Variants in ADCYAP1R1 observed in about 807,000 individuals in gnomAD.
ADCYAP1R1 encodes ADCYAP receptor type I, also known as pituitary adenylate cyclase-activating polypeptide type I receptor.
Under a neutral mutation model 67.6 loss-of-function variants are expected in ADCYAP1R1, and 44 were observed. The ratio of observed to expected loss-of-function variants is 0.65; its 90% CI spans 0.51 to 0.84. The LOEUF is 0.84. ADCYAP1R1 is among the 40% of genes least tolerant of loss of function. The pLI is 0.00. For missense variants in ADCYAP1R1, 477 were observed against 587.9 expected, an observed-to-expected ratio of 0.81 and a Z score of 1.95; for synonymous variants, 222 against 219.6, an observed-to-expected ratio of 1.01 and a Z score of -0.10.
At chr7:31,097,631 C>G (rs1311728871) in intron 13 of ADCYAP1R1, among the ~76,000 whole-genome samples, 1 of 151,778 alleles carries the variant, frequency 6.6e-6, no homozygotes, top group Non-Finnish European at 1.5e-5. Context: ...ACTAAATGGT[C>G]TTTGGAATAC....
In ADCYAP1R1 at chr7:31,084,831, T is replaced by TC; in HGVS notation, c.535dup (p.Arg179ProfsTer49). On this transcript the variant is annotated frameshift_variant, in exon 8 of 16. Coordinates refer to ENST00000304166, the MANE Select transcript of ADCYAP1R1 (RefSeq NM_001118.5). LOFTEE classifies it high-confidence loss of function. Reference sequence around the variant, plus strand: ...ACTGCCATGGTCATCCTTTGTCGCTTCCGGTGAGACCCTCAGCAACATTCA... The same window carrying TC: ...ACTGCCATGGTCATCCTTTGTCGCTTCCCGGTGAGACCCTCAGCAACATTCA... The TC allele has an allele frequency of 3.7e-6, 6 of 1,613,998 alleles. No individual in the cohort carries two copies. The highest frequency in any genetic ancestry group is 5.1e-6 in the Non-Finnish European group (6 of 1,179,860).
chr7:31,081,773 G>T lies in ADCYAP1R1; in HGVS notation c.328+19G>T. On this transcript the variant is annotated intron_variant, in intron 6 of 15. Transcript: ENST00000304166. Reference sequence around the variant, plus strand: ...CTCTCAGGTAAGGGGTTAGGCTGGGGTTGACCATGGACTGGCTGGAGGGAG... The same window carrying T: ...CTCTCAGGTAAGGGGTTAGGCTGGGTTTGACCATGGACTGGCTGGAGGGAG... 1.3e-6 allele frequency: 2 copies of T among 1,590,396 alleles called. No individual in the cohort carries two copies. The highest frequency in any genetic ancestry group is 1.2e-5 in the South Asian group (1 of 85,130).
intron 6 of ADCYAP1R1, among the ~76,000 whole-genome samples, chr7:31,083,791 A>G (rs1351285128): frequency 1.3e-5 from 2 of 152,186 alleles, no homozygotes; most frequent in African/African-American, 4.8e-5. Context: ...TGCATTTGTG[A>G]TCAGTCTCCT....
chr7:31,055,818 A>G (rs887993103), intron 1 of ADCYAP1R1, among the ~76,000 whole-genome samples: 4 of 152,192 alleles, frequency 2.6e-5, no homozygotes, highest in African/African-American at 7.2e-5. Flanking sequence ...GCTCCATTCT[A>G]CGTGGAGCTC....
intron 3 of ADCYAP1R1, among the ~76,000 whole-genome samples, chr7:31,070,699 A>T (rs980393464): frequency 2.1e-4 from 32 of 152,330 alleles, no homozygotes; most frequent in African/African-American, 6.7e-4. Flanking sequence ...ACAGGGTGTC[A>T]CTTCTATCCA....
chr7:31,073,303 T>C (rs565673252), intron 3 of ADCYAP1R1, among the ~76,000 whole-genome samples: 11 of 152,040 alleles, frequency 7.2e-5, no homozygotes, highest in Admixed American at 3.3e-4. Context: ...ATTGTCTGAC[T>C]CGGTATGTCT....
At position 31,102,262 on chromosome 7, in the gene ADCYAP1R1, G is replaced by A. The variant is rs1354219834; in HGVS notation, c.1047-975G>A. ...GAGGCTGATCCTCTGGAGGAGATGG[G>A]CCAGGTGCAGCCTGGGGGCAGGCCA... On this transcript the variant is annotated intron_variant, in intron 13 of 15. Coordinates refer to ENST00000304166, the MANE Select transcript of ADCYAP1R1 (RefSeq NM_001118.5). This position sits in a 1 kb window ranked among gnomAD's most constrained non-coding sequence, Gnocchi z 4.3. Among the ~76,000 whole-genome samples, 2 of 152,240 alleles carry A rather than the reference G, an allele frequency of 1.3e-5. No individual in the cohort carries two copies. The highest frequency in any genetic ancestry group is 1.5e-5 in the Non-Finnish European group (1 of 68,044).
intron 13 of ADCYAP1R1, among the ~76,000 whole-genome samples, chr7:31,097,830 G>C (rs1796264500): frequency 6.6e-6 from 1 of 152,002 alleles, no homozygotes. Context: ...GGGGTCTCCT[G>C]GACCCTGATT....
chr7:31,077,117 A>G lies in ADCYAP1R1; in HGVS notation c.158-874A>G, dbSNP rs143873383. Among the ~76,000 whole-genome samples the G allele has an allele frequency of 2.0e-5, 3 of 152,294 alleles. No homozygotes were observed. The East Asian group carries it at 5.8e-4, about 29-fold the overall frequency. On this transcript the variant is annotated intron_variant, in intron 3 of 15. Transcript: ENST00000304166. ...CCTGTTTGAGGGATATTACCGGTGC[A>G]GGGCTGAGCCCTCCCTCAGACTGTA...
At chr7:31,056,493 T>C (rs918258114) in intron 1 of ADCYAP1R1, among the ~76,000 whole-genome samples, 1 of 152,068 alleles carries the variant, frequency 6.6e-6, no homozygotes, top group African/African-American at 2.4e-5. Context: ...TCTTCCTTTC[T>C]CTACTGCCTC....
chr7:31,095,630 C>T (rs771331279), intron 13 of ADCYAP1R1: 1 of 717,350 alleles, frequency 1.4e-6, no homozygotes, highest in East Asian at 2.7e-5. Context: ...TCAGATCTGC[C>T]CACAACAGCT....
chr7:31,102,767 T>C lies in ADCYAP1R1; in HGVS notation c.1047-470T>C, dbSNP rs1016728116. Reference sequence around the variant, plus strand: ...CAGCACTTCCCCATCACTTGGTGAGTGTCCCGGCTAGCCCCAGGCTCCAAA... The same window carrying C: ...CAGCACTTCCCCATCACTTGGTGAGCGTCCCGGCTAGCCCCAGGCTCCAAA... On this transcript the variant is annotated intron_variant, in intron 13 of 15. Coordinates refer to ENST00000304166, the MANE Select transcript of ADCYAP1R1 (RefSeq NM_001118.5). This position sits in a 1 kb window ranked among gnomAD's most constrained non-coding sequence, Gnocchi z 4.3. Among the ~76,000 whole-genome samples the C allele has an allele frequency of 6.6e-6, 1 of 152,072 alleles. No individual in the cohort carries two copies. Among genetic ancestry groups the C allele is most frequent in the East Asian group, 1.9e-4 (1 of 5,184 alleles).
chr7:31,089,835 G>T (rs1208149173), intron 12 of ADCYAP1R1, among the ~76,000 whole-genome samples: 2 of 152,072 alleles, frequency 1.3e-5, no homozygotes, highest in Non-Finnish European at 2.9e-5. Context: ...GCATTTCTGG[G>T]ATAAAACCTT....
At chr7:31,085,578 C>T (rs1795710869) in intron 9 of ADCYAP1R1, 136 bp downstream of exon 9, 1 of 981,702 alleles carries the variant, frequency 1.0e-6, no homozygotes, top group Non-Finnish European at 1.4e-6. Context: ...CATTGCCCCA[C>T]CCCCCCGGTT....
Position 31,092,775 on chromosome 7 carries a change from G to A in ADCYAP1R1, c.1046+40G>A, listed in dbSNP as rs751874244. ...GTGGCTGCCACAGCCATTTCTGACAGCCGAGCGGGCCCTGCATTCAGGTCA... is the reference window on the plus strand; with the variant it reads ...GTGGCTGCCACAGCCATTTCTGACAACCGAGCGGGCCCTGCATTCAGGTCA... On this transcript the variant is annotated intron_variant, in intron 13 of 15. Coordinates refer to ENST00000304166, the MANE Select transcript of ADCYAP1R1 (RefSeq NM_001118.5). 4 of 1,496,860 alleles carry A rather than the reference G, an allele frequency of 2.7e-6. No individual in the cohort carries two copies. The South Asian group carries it at 4.6e-5, about 17-fold the overall frequency. 92.7% of individuals were successfully genotyped at this position (1,496,860 alleles called of 1,614,324 possible). A position where few individuals can be genotyped will look rare whatever the true frequency, so the allele number is the denominator to read the frequency against.
chr7:31,080,834 A>G (rs752462582), intron 5 of ADCYAP1R1, among the ~76,000 whole-genome samples: 6 of 152,164 alleles, frequency 3.9e-5, no homozygotes, highest in Non-Finnish European at 7.3e-5. Flanking sequence ...GCACAGGAAG[A>G]TGCACAACAC....
At chr7:31,077,291 A>AT (rs1795277732) in intron 3 of ADCYAP1R1, among the ~76,000 whole-genome samples, 1 of 149,876 alleles carries the variant, frequency 6.7e-6, no homozygotes, top group Non-Finnish European at 1.5e-5. Flanking sequence ...ATGTGTGCAC[A>AT]TTCATGTGTG....
intron 13 of ADCYAP1R1, among the ~76,000 whole-genome samples, chr7:31,094,375 G>A (rs1796098088): frequency 1.3e-5 from 2 of 152,090 alleles, no homozygotes; most frequent in South Asian, 4.1e-4. Flanking sequence ...CTCCTGTCTA[G>A]TGTTGGACAC....
Position 31,097,832 on chromosome 7 carries a change from A to G in ADCYAP1R1, c.1046+5097A>G, listed in dbSNP as rs549985275. Among the ~76,000 whole-genome samples the G allele has an allele frequency of 1.1e-4, 16 of 152,010 alleles. No individual in the cohort carries two copies. The East Asian group carries it at 1.9e-3, about 18-fold the overall frequency. Reference sequence around the variant, plus strand: ...ATACAGTTGGGGGGGGGTCTCCTGGACCCTGATTTCTGTGGTTTACCCAAG... The same window carrying G: ...ATACAGTTGGGGGGGGGTCTCCTGGGCCCTGATTTCTGTGGTTTACCCAAG... On this transcript the variant is annotated intron_variant, in intron 13 of 15. Transcript: ENST00000304166.
Sources: allele counts gnomAD v4.1 joint callset (sites outside exome capture counted in the v4.1 genomes callset), GRCh38; gene constraint gnomAD v4.1.1; non-coding constraint Gnocchi (gnomAD v3.1); transcripts MANE v1.5; gene names NCBI Gene and HGNC (gene_info 2026-07-23, HGNC 2026-07-21).